Variants in ZEB2 observed in about 807,000 individuals in gnomAD.
ZEB2 encodes the protein zinc finger E-box binding homeobox 2.
Under a neutral mutation model 99.9 loss-of-function variants are expected in ZEB2, and 6 were observed. The ratio of observed to expected loss-of-function variants is 0.06; its 90% CI spans 0.03 to 0.12. The LOEUF is 0.12. Among genes scored for constraint, ZEB2 ranks in the 10% least tolerant of loss-of-function variants. The pLI, the probability that ZEB2 is intolerant of heterozygous loss-of-function variation, is 1.00. For missense variants in ZEB2, 969 were observed against 1,502.8 expected (o/e 0.64, Z 5.87); for synonymous variants, 517 against 542.5 (o/e 0.95, Z 0.65).
At chr2:144,427,973 T>C (rs1212834040) in intron 3 of ZEB2, 1 of 152,202 alleles carries the variant, frequency 6.6e-6, no homozygotes, top group Non-Finnish European at 1.5e-5. Context: ...CACAAAAAGC[T>C]GCCACAATCA....
At chr2:144,511,829 A>G (rs1375455022) in intron 2 of ZEB2, 1 of 1,287,192 alleles carries the variant, frequency 7.8e-7, no homozygotes, top group Admixed American at 2.3e-5. Context: ...GGCTATATTT[A>G]TTGGTTTAAA....
Position 144,388,808 on chromosome 2 carries a change from CT to C in ZEB2, c.*642del. 2.3e-6 allele frequency: 1 copy of C among 434,638 alleles called. No homozygotes were observed. Among genetic ancestry groups the C allele is most frequent in the East Asian group, 7.2e-5 (1 of 13,952 alleles). 26.9% of individuals were successfully genotyped at this position (434,638 alleles called of 1,614,324 possible). On this transcript the variant is annotated 3_prime_UTR_variant, in exon 10 of 10. Transcript: ENST00000627532. The surrounding 1 kb of genome is among the most constrained non-coding windows in gnomAD (Gnocchi z 5.4). Reference sequence around the variant, plus strand: ...TACAAAGGCTTTCTTTATTTCTCATCTTACTTTTTCCTTCACGTCCAGGTCA... The same window carrying C: ...TACAAAGGCTTTCTTTATTTCTCATCTACTTTTTCCTTCACGTCCAGGTCA...
intron 2 of ZEB2, among the ~76,000 whole-genome samples, chr2:144,460,219 C>G (rs1015203358): frequency 6.6e-6 from 1 of 152,040 alleles, no homozygotes; most frequent in Admixed American, 6.6e-5. Flanking sequence ...ACCATGGACA[C>G]GTCAGTGTTG....
At chr2:144,509,356 T>G (rs1054634149) in intron 2 of ZEB2, among the ~76,000 whole-genome samples, 2 of 152,124 alleles carry the variant, frequency 1.3e-5, no homozygotes, top group African/African-American at 4.8e-5. Context: ...CTTCATTGCT[T>G]GGGTCATGGG....
intron 2 of ZEB2, chr2:144,504,638 G>A (rs1268388211): frequency 6.6e-6 from 1 of 151,940 alleles, no homozygotes; most frequent in Non-Finnish European, 1.5e-5. Context: ...TAACCTCTGC[G>A]AGAAAAAAAA....
intron 4 of ZEB2, among the ~76,000 whole-genome samples, chr2:144,413,450 G>A (rs1703492204): frequency 1.3e-5 from 2 of 152,106 alleles, no homozygotes; most frequent in South Asian, 4.1e-4. Context: ...GGCTCTTCTT[G>A]GCGTTCACTG....
At chr2:144,408,836 G>A (rs951604973) in intron 4 of ZEB2, among the ~76,000 whole-genome samples, 1 of 152,044 alleles carries the variant, frequency 6.6e-6, no homozygotes, top group Non-Finnish European at 1.5e-5. Flanking sequence ...TCTTCTCCAG[G>A]CCAACTTGTT....
intron 2 of ZEB2, among the ~76,000 whole-genome samples, chr2:144,476,602 C>T (rs986080148): frequency 6.6e-6 from 1 of 152,222 alleles, no homozygotes; most frequent in African/African-American, 2.4e-5. Flanking sequence ...CTACCACCTA[C>T]AGCCATGAGA....
chr2:144,419,838 A>G (rs1703595927), intron 4 of ZEB2, among the ~76,000 whole-genome samples: 1 of 152,212 alleles, frequency 6.6e-6, no homozygotes, highest in East Asian at 1.9e-4. Flanking sequence ...AGTTATTAAT[A>G]TAAATCCAGG....
chr2:144,488,829 A>G (rs1046768510), intron 2 of ZEB2, among the ~76,000 whole-genome samples: 2 of 152,140 alleles, frequency 1.3e-5, no homozygotes, highest in African/African-American at 2.4e-5. Context: ...CCACAACCCT[A>G]TGAGACAGAG....
intron 4 of ZEB2, among the ~76,000 whole-genome samples, chr2:144,415,716 T>C (rs1703530786): frequency 1.3e-5 from 2 of 152,226 alleles, no homozygotes; most frequent in South Asian, 4.1e-4. Context: ...ATTCATTAAT[T>C]CAACAAATAC....
At chr2:144,493,903 AGCACTTTGGGAGGCCGAG>A (rs1704720251) in intron 2 of ZEB2, among the ~76,000 whole-genome samples, 1 of 152,144 alleles carries the variant, frequency 6.6e-6, no homozygotes, top group South Asian at 2.1e-4. Flanking sequence ...CTGTAATCCC[AGCACTTTGGGAGGCCGAG>A]GCGGGCGGAT....
intron 2 of ZEB2, among the ~76,000 whole-genome samples, chr2:144,448,325 A>G (rs1704011860): frequency 1.3e-5 from 2 of 152,170 alleles, no homozygotes; most frequent in African/African-American, 2.4e-5. Context: ...CAGACACTAA[A>G]CTAGGTTCCA....
At chr2:144,422,486 T>C (rs1248988302) in intron 4 of ZEB2, among the ~76,000 whole-genome samples, 2 of 152,178 alleles carry the variant, frequency 1.3e-5, no homozygotes, top group African/African-American at 4.8e-5. Flanking sequence ...TTCCATAGAC[T>C]CTCTCTCACT....
Position 144,394,409 on chromosome 2 carries a change from G to A in ZEB2, c.3067+2003C>T, listed in dbSNP as rs190413903. ...TACACTCACCGTGTAGTAAATGATA[G>A]AGTTTGCATATGGTCATATAATAAA... On this transcript the variant is annotated intron_variant, in intron 9 of 9. Transcript: ENST00000627532. 7.9e-5 allele frequency: 12 copies of A among 152,242 alleles called. No homozygotes were observed. In the East Asian group the frequency reaches 1.7e-3, roughly 22 times the overall value. 9.4% of individuals were successfully genotyped at this position (152,242 alleles called of 1,614,324 possible).
chr2:144,471,107 C>A (rs1161652379), intron 2 of ZEB2, among the ~76,000 whole-genome samples: 2 of 152,080 alleles, frequency 1.3e-5, no homozygotes, highest in Admixed American at 6.6e-5. Flanking sequence ...ACTTGCTATG[C>A]CTGCATAACA....
chr2:144,512,532 G>A (rs1056894255), intron 2 of ZEB2: 2 of 1,287,074 alleles, frequency 1.6e-6, no homozygotes, highest in African/African-American at 1.5e-5. Flanking sequence ...CATAGCAGTT[G>A]AGCAGGGAAC....
intron 2 of ZEB2, among the ~76,000 whole-genome samples, chr2:144,460,212 A>C (rs570928061): frequency 6.6e-6 from 1 of 152,270 alleles, no homozygotes; most frequent in East Asian, 1.9e-4. Context: ...TGATTAAACC[A>C]TGGACACGTC....
At chr2:144,450,088 G>C (rs1429227026) in intron 2 of ZEB2, 1 of 151,892 alleles carries the variant, frequency 6.6e-6, no homozygotes, top group Non-Finnish European at 1.5e-5. Context: ...CACTGGAATT[G>C]TATTACCACT....
Sources: allele counts gnomAD v4.1 joint callset (sites outside exome capture counted in the v4.1 genomes callset), GRCh38; gene constraint gnomAD v4.1.1; non-coding constraint Gnocchi (gnomAD v3.1); transcripts MANE v1.5; gene names NCBI Gene and HGNC (gene_info 2026-07-23, HGNC 2026-07-21).